The following RNF215 variants were observed in gnomAD, a reference collection of about 807,000 sequenced individuals.
The protein encoded by RNF215 is ring finger protein 215.
In RNF215, 41 loss-of-function variants were observed where a neutral mutation model predicts 44.8. The observed-to-expected ratio is 0.92, with a 90% CI of 0.71 to 1.19. RNF215 has a LOEUF of 1.19. Among genes scored for constraint, RNF215 ranks in the 50% most tolerant of loss-of-function variants. The probability of loss-of-function intolerance (pLI) is 0.00; values close to 1 mark genes in which losing one functional copy is unlikely to be tolerated. For missense variants in RNF215, 452 were observed against 496.2 expected (o/e 0.91, Z 0.85); for synonymous variants, 218 against 230.1 (o/e 0.95, Z 0.48).
chr22:30,382,736 G>C (rs939563118), intron 5 of RNF215, among the ~76,000 whole-genome samples: 1 of 152,070 alleles, frequency 6.6e-6, no homozygotes, highest in African/African-American at 2.4e-5. Flanking sequence ...GTGCATCTTG[G>C]GGAACACACC....
At position 30,380,886 on chromosome 22, in the gene RNF215, G is replaced by T. The variant is rs2145982804; in HGVS notation, c.745-485C>A. Among the ~76,000 whole-genome samples, 1 of 152,242 alleles carries T rather than the reference G, an allele frequency of 6.6e-6. No individual in the cohort carries two copies. The highest frequency in any genetic ancestry group is 2.4e-5 in the African/African-American group (1 of 41,518). ...TGTACGGGAGGGAGCCAGCCCCCAA[G>T]GCCTGTTGCTTCGTTCTCCTGGGTG... On this transcript the variant is annotated intron_variant, in intron 5 of 8. Coordinates refer to ENST00000382363, the MANE Select transcript of RNF215 (RefSeq NM_001017981.2). This position sits in a 1 kb window ranked among gnomAD's most constrained non-coding sequence, Gnocchi z 5.3.
At chr22:30,383,668 C>T (rs1933558028) in intron 5 of RNF215, among the ~76,000 whole-genome samples, 4 of 152,170 alleles carry the variant, frequency 2.6e-5, no homozygotes, top group Non-Finnish European at 5.9e-5. Flanking sequence ...ATGCCAAGCG[C>T]TGGAAATCCA....
Position 30,380,478 on chromosome 22 carries a change from G to A in RNF215, c.745-77C>T, listed in dbSNP as rs151230919. 1.3e-4 allele frequency: 189 copies of A among 1,509,918 alleles called. 5 individuals are homozygous for A. Among genetic ancestry groups the A allele is most frequent in the Middle Eastern group, 1.0e-3 (4 of 4,020 alleles). 93.5% of individuals were successfully genotyped at this position (1,509,918 alleles called of 1,614,324 possible). A position where few individuals can be genotyped will look rare whatever the true frequency, so the allele number is the denominator to read the frequency against. ...CTTAGGAACATCTACCCCCAGGAAC[G>A]CCAGGGAGCAGGCAGGTGAGGTATG... On this transcript the variant is annotated intron_variant, in intron 5 of 8. Coordinates refer to ENST00000382363, the MANE Select transcript of RNF215 (RefSeq NM_001017981.2). The surrounding 1 kb of genome is among the most constrained non-coding windows in gnomAD (Gnocchi z 5.3).
At chr22:30,386,946 A>C (rs761805216) in intron 1 of RNF215, 83 bp downstream of exon 1, 55 of 1,501,424 alleles carry the variant, frequency 3.7e-5, no homozygotes, top group Non-Finnish European at 4.4e-5. Context: ...GTGGAGGATG[A>C]ACGTCGGTTC....
chr22:30,380,086 G>C lies in RNF215; in HGVS notation c.984C>G (p.Cys328Trp), dbSNP rs376839183. The stretch of plus-strand genomic sequence containing the variant: ...CCTGTTTGTTGCAGAAGTAGTCCAG[G>C]CACACCGCACAGGTCTCAGCACCCG... ...PDPGAETCAV[C>W]LDYFCNKQWL... Residue 328 changes from cysteine to tryptophan, a missense_variant, in exon 7 of 9, where the codon TGC becomes TGG. Cys to Trp is a radical substitution (Grantham distance 215, BLOSUM62 -2). Coordinates refer to ENST00000382363, the MANE Select transcript of RNF215 (RefSeq NM_001017981.2). This position sits in a 1 kb window ranked among gnomAD's most constrained non-coding sequence, Gnocchi z 5.3. 5.6e-6 allele frequency: 9 copies of C among 1,613,766 alleles called. No homozygotes were observed. In the African/African-American group the frequency reaches 1.1e-4, roughly 19 times the overall value.
At chr22:30,382,428 G>A (rs1297744760) in intron 5 of RNF215, among the ~76,000 whole-genome samples, 1 of 151,600 alleles carries the variant, frequency 6.6e-6, no homozygotes. Context: ...AAAAGCTTGT[G>A]GACAGAATAC....
rs566535531 is a variant in RNF215 at position 30,380,616 on chromosome 22, C to G, written c.745-215G>C. ...CTGCCCTACACGTCTTCCCATCCAG[C>G]TCCAAGGAGAGCCACATCCATTCCC... On this transcript the variant is annotated intron_variant, in intron 5 of 8. Coordinates refer to ENST00000382363, the MANE Select transcript of RNF215 (RefSeq NM_001017981.2). The surrounding 1 kb of genome is among the most constrained non-coding windows in gnomAD (Gnocchi z 5.3). Among the ~76,000 whole-genome samples, 1 of 152,154 alleles carries G rather than the reference C, an allele frequency of 6.6e-6. No individual in the cohort carries two copies. Among genetic ancestry groups the G allele is most frequent in the Non-Finnish European group, 1.5e-5 (1 of 68,012 alleles).
chr22:30,379,482 T>C lies in RNF215; in HGVS notation c.*118A>G. On this transcript the variant is annotated 3_prime_UTR_variant, in exon 9 of 9. Coordinates refer to ENST00000382363, the MANE Select transcript of RNF215 (RefSeq NM_001017981.2). Reference sequence around the variant, plus strand: ...GGCCCTCATCCTTCCTCCCACCCACTGGGCTTGCTGTCCTGTCTATCCTGC... The same window carrying C: ...GGCCCTCATCCTTCCTCCCACCCACCGGGCTTGCTGTCCTGTCTATCCTGC... 7.8e-7 allele frequency: 1 copy of C among 1,285,616 alleles called. No individual in the cohort carries two copies. The highest frequency in any genetic ancestry group is 1.1e-6 in the Non-Finnish European group (1 of 935,714). The allele number at this position is 1,285,616 out of a possible 1,614,324, so 79.6% of individuals were successfully genotyped here. A position where few individuals can be genotyped will look rare whatever the true frequency, so the allele number is the denominator to read the frequency against.
Position 30,379,721 on chromosome 22 carries a change from G to A in RNF215, c.1101C>T (p.Phe367=), listed in dbSNP as rs1211641171. The A allele has an allele frequency of 1.9e-6, 3 of 1,559,848 alleles. No homozygotes were observed. Among genetic ancestry groups the A allele is most frequent in the Admixed American group, 1.9e-5 (1 of 51,390 alleles). ...ACCCCTGGTGCTCACCCAGGACGTT[G>A]AATTTGCACAGTGGGCAGGTCTGCT... ...MLQQTCPLCK[F]NVLGNRYSDD The change falls in exon 8 of 9, where the codon TTC becomes TTT. Residue 367 remains phenylalanine, a synonymous_variant. Transcript: ENST00000382363.
intron 7 of RNF215, 109 bp downstream of exon 7, chr22:30,379,953 C>G (rs1212576187): frequency 1.3e-6 from 2 of 1,560,608 alleles, no homozygotes; most frequent in Non-Finnish European, 1.8e-6. Flanking sequence ...GCTCTGTGGC[C>G]CTGGGGGCTG....
At chr22:30,382,404 CAAAAA>C (rs796940204) in intron 5 of RNF215, among the ~76,000 whole-genome samples, 1 of 65,776 alleles carries the variant, frequency 1.5e-5, no homozygotes. Context: ...AACTCTGTCT[CAAAAA>C]AAAAAAAAAA....
rs766000525 is a variant in RNF215, at chr22:30,379,458, G to A, written c.*142C>T. The A allele has an allele frequency of 1.0e-6, 1 of 978,146 alleles. No homozygotes were observed. Among genetic ancestry groups the A allele is most frequent in the Non-Finnish European group, 1.5e-6 (1 of 661,754 alleles). 60.6% of individuals were successfully genotyped at this position (978,146 alleles called of 1,614,324 possible). A position where few individuals can be genotyped will look rare whatever the true frequency, so the allele number is the denominator to read the frequency against. The stretch of plus-strand genomic sequence containing the variant: ...TCCTTCCCAGTGTGGACATGGTGGG[G>A]CCCTCATCCTTCCTCCCACCCACTG... On this transcript the variant is annotated 3_prime_UTR_variant, in exon 9 of 9. Coordinates refer to ENST00000382363, the MANE Select transcript of RNF215 (RefSeq NM_001017981.2).
At chr22:30,381,633 T>C (rs1223560912) in intron 5 of RNF215, among the ~76,000 whole-genome samples, 2 of 152,166 alleles carry the variant, frequency 1.3e-5, no homozygotes, top group South Asian at 2.1e-4. Context: ...ATCGTGTTCT[T>C]CCCCGACCGA....
Position 30,387,371 on chromosome 22 carries a change from A to G in RNF215, c.-58T>C. ...GCCAGGGGTCCCGGGCGCGGGGGGG[A>G]TCGGAGGGAGCGAGGCCGCTGCCGG... On this transcript the variant is annotated 5_prime_UTR_variant, in exon 1 of 9. Transcript: ENST00000382363. 9.9e-7 allele frequency: 1 copy of G among 1,014,382 alleles called. No individual in the cohort carries two copies. The highest frequency in any genetic ancestry group is 1.2e-6 in the Non-Finnish European group (1 of 848,132). 62.8% of individuals were successfully genotyped at this position (1,014,382 alleles called of 1,614,324 possible). A position where few individuals can be genotyped will look rare whatever the true frequency, so the allele number is the denominator to read the frequency against.
intron 5 of RNF215, among the ~76,000 whole-genome samples, chr22:30,383,683 C>T (rs533227166): frequency 1.1e-4 from 17 of 152,216 alleles, no homozygotes; most frequent in South Asian, 6.2e-4. Flanking sequence ...AATCCAGAGA[C>T]GATAAAACAC....
At chr22:30,385,347 G>A (rs760564581) in intron 4 of RNF215, among the ~76,000 whole-genome samples, 7 of 151,922 alleles carry the variant, frequency 4.6e-5, no homozygotes, top group East Asian at 1.9e-4. Flanking sequence ...GCATGAACCC[G>A]GGAGGCAGAG....
rs1030922041 is a variant in RNF215 at position 30,380,918 on chromosome 22, G to C, written c.745-517C>G. ...TGCTTCGTTCTCCTGGGTGGGGGTG[G>C]GTCTCATGCCCTCCTTGCCACCCAC... On this transcript the variant is annotated intron_variant, in intron 5 of 8. Coordinates refer to ENST00000382363, the MANE Select transcript of RNF215 (RefSeq NM_001017981.2). The surrounding 1 kb of genome is among the most constrained non-coding windows in gnomAD (Gnocchi z 5.3). Among the ~76,000 whole-genome samples, 1 of 152,078 alleles carries C rather than the reference G, an allele frequency of 6.6e-6. No individual in the cohort carries two copies. The highest frequency in any genetic ancestry group is 1.5e-5 in the Non-Finnish European group (1 of 67,994).
chr22:30,379,736 G>A lies in RNF215; in HGVS notation c.1086C>T (p.Cys362=), dbSNP rs138783853. The change falls in exon 8 of 9, where the codon TGC becomes TGT. Residue 362 remains cysteine, a synonymous_variant. Transcript: ENST00000382363. ...CCAGGACGTTGAATTTGCACAGTGG[G>A]CAGGTCTGCTGGAGCATCAGCCAGG... ...VDPWLMLQQT[C]PLCKFNVLGN... is the part of the protein sequence containing the mutation. 7.7e-5 allele frequency: 121 copies of A among 1,564,342 alleles called. No homozygotes were observed. In the Middle Eastern group the frequency reaches 2.0e-3, roughly 25 times the overall value.
chr22:30,386,913 G>T, intron 1 of RNF215, 116 bp downstream of exon 1: 2 of 1,478,404 alleles, frequency 1.4e-6, no homozygotes. Flanking sequence ...GCCTGGGGAG[G>T]GGCGCTGGAC....
Sources: allele counts gnomAD v4.1 joint callset (sites outside exome capture counted in the v4.1 genomes callset), GRCh38; gene constraint gnomAD v4.1.1; non-coding constraint Gnocchi (gnomAD v3.1); transcripts MANE v1.5; gene names NCBI Gene and HGNC (gene_info 2026-07-23, HGNC 2026-07-21).